The following FSTL4 variants were observed in gnomAD, a reference collection of about 807,000 sequenced individuals.
FSTL4 encodes the protein follistatin like 4, also known as follistatin-related protein 4.
A neutral mutation model predicts 78.2 loss-of-function variants in FSTL4; 28 were observed. That is an observed-to-expected ratio of 0.36 (90% confidence interval 0.27 to 0.49). FSTL4 has a LOEUF of 0.49. Ranked by LOEUF, FSTL4 falls within the 20% of genes least tolerant of loss-of-function variation. The pLI, the probability that FSTL4 is intolerant of heterozygous loss-of-function variation, is 0.98. For synonymous variants in FSTL4, 422 were observed against 440.5 expected (o/e 0.96, Z 0.53); for missense variants, 922 against 1,084.9 (o/e 0.85, Z 2.11).
Position 133,224,173 on chromosome 5 carries a change from A to G in FSTL4, c.1339+17T>C, listed in dbSNP as rs760143247. The G allele has an allele frequency of 2.5e-6, 4 of 1,609,136 alleles. No individual in the cohort carries two copies. Among genetic ancestry groups the G allele is most frequent in the Non-Finnish European group, 2.6e-6 (3 of 1,175,878 alleles). On this transcript the variant is annotated intron_variant, in intron 11 of 15. Coordinates refer to ENST00000265342, the MANE Select transcript of FSTL4 (RefSeq NM_015082.2). ...CACGTGATCACAGGCATGACGCAAA[A>G]CAATGAAGCTTGGTACCTTCCTCTC...
At chr5:133,427,777 A>T in intron 3 of FSTL4, 1 of 469,574 alleles carries the variant, frequency 2.1e-6, no homozygotes. Flanking sequence ...AACTTCTGCC[A>T]TCAGGACAGA....
At chr5:133,421,791 A>G (rs1378189192) in intron 3 of FSTL4, among the ~76,000 whole-genome samples, 1 of 151,400 alleles carries the variant, frequency 6.6e-6, no homozygotes. Flanking sequence ...ATTCATTCAG[A>G]TACCTATTGA....
chr5:133,508,709 G>T (rs1205776875), intron 3 of FSTL4, among the ~76,000 whole-genome samples: 1 of 152,182 alleles, frequency 6.6e-6, no homozygotes, highest in East Asian at 1.9e-4. Context: ...GAGCATCTGA[G>T]GATTTTAGTA....
intron 3 of FSTL4, among the ~76,000 whole-genome samples, chr5:133,405,590 T>C (rs1182248230): frequency 6.6e-6 from 1 of 152,250 alleles, no homozygotes; most frequent in Non-Finnish European, 1.5e-5. Flanking sequence ...AAGAGCCATG[T>C]ACATGTAGCC....
the FSTL4 span, among the ~76,000 whole-genome samples, chr5:133,798,416 C>G: frequency 2.0e-5 from 3 of 151,394 alleles, no homozygotes; most frequent in African/African-American, 7.3e-5. Flanking sequence ...TAAAAAATGC[C>G]AGATTTTATC....
At chr5:133,544,188 T>C (rs1438824492) in intron 3 of FSTL4, among the ~76,000 whole-genome samples, 3 of 152,202 alleles carry the variant, frequency 2.0e-5, no homozygotes, top group Non-Finnish European at 2.9e-5. Flanking sequence ...ATTAAATTAA[T>C]TCCCAAATAT....
At chr5:133,240,350 C>T (rs749934587) in intron 7 of FSTL4, among the ~76,000 whole-genome samples, 9 of 152,212 alleles carry the variant, frequency 5.9e-5, no homozygotes, top group Non-Finnish European at 1.3e-4. Flanking sequence ...TCCTTTTTCT[C>T]AGAGTCCTCT....
intron 6 of FSTL4, among the ~76,000 whole-genome samples, chr5:133,251,160 C>T (rs1259899757): frequency 6.6e-6 from 1 of 152,220 alleles, no homozygotes; most frequent in Admixed American, 6.5e-5. Flanking sequence ...AGAGAAGGCA[C>T]TAACTCTGTA....
intron 3 of FSTL4, among the ~76,000 whole-genome samples, chr5:133,448,831 A>C (rs1304661616): frequency 6.6e-6 from 1 of 152,078 alleles, no homozygotes; most frequent in Non-Finnish European, 1.5e-5. Flanking sequence ...AAAGGTGATA[A>C]GATGGGGTTT....
chr5:133,703,664 G>A, the FSTL4 span, among the ~76,000 whole-genome samples: 1 of 152,216 alleles, frequency 6.6e-6, no homozygotes, highest in East Asian at 1.9e-4. Flanking sequence ...TGTGAAAGGA[G>A]CACCTGCAAG....
chr5:133,541,610 C>T (rs1759474706), intron 3 of FSTL4, among the ~76,000 whole-genome samples: 1 of 152,162 alleles, frequency 6.6e-6, no homozygotes, highest in South Asian at 2.1e-4. Context: ...AGCTTTGAAA[C>T]ATACAATATG....
chr5:133,696,141 G>A, the FSTL4 span, among the ~76,000 whole-genome samples: 15 of 152,298 alleles, frequency 9.8e-5, no homozygotes, highest in East Asian at 1.9e-4. Flanking sequence ...TGGCTGGTCC[G>A]TAGAAGCCTG....
chr5:133,573,729 C>A (rs551872977), intron 2 of FSTL4, among the ~76,000 whole-genome samples: 1 of 152,270 alleles, frequency 6.6e-6, no homozygotes, highest in Admixed American at 6.5e-5. Context: ...TAAAACTTGA[C>A]CTAATTGACA....
the FSTL4 span, among the ~76,000 whole-genome samples, chr5:133,625,807 TATATATATTCC>T: frequency 7.2e-5 from 4 of 55,582 alleles, no homozygotes; most frequent in Non-Finnish European, 1.3e-4. Context: ...ATATTCCATA[TATATATATTCC>T]ATATATATAT....
chr5:133,404,447 T>G (rs1756308555), intron 3 of FSTL4, among the ~76,000 whole-genome samples: 1 of 152,218 alleles, frequency 6.6e-6, no homozygotes, highest in Admixed American at 6.5e-5. Flanking sequence ...AGAAAGCCAT[T>G]TACTCAGGTT....
chr5:133,749,926 G>T, the FSTL4 span, among the ~76,000 whole-genome samples: 1 of 152,166 alleles, frequency 6.6e-6, no homozygotes, highest in African/African-American at 2.4e-5. Flanking sequence ...AATCTCATAA[G>T]AAAATTTTTT....
At chr5:133,776,323 T>C in the FSTL4 span, among the ~76,000 whole-genome samples, 1 of 152,198 alleles carries the variant, frequency 6.6e-6, no homozygotes, top group African/African-American at 2.4e-5. Context: ...AATAATAGCT[T>C]AAGGCCACAG....
intron 6 of FSTL4, among the ~76,000 whole-genome samples, chr5:133,277,845 C>T (rs570971851): frequency 7.2e-5 from 11 of 152,304 alleles, no homozygotes; most frequent in African/African-American, 2.6e-4. Flanking sequence ...ACACTTGGTG[C>T]TGATGTGAAG....
the FSTL4 span, among the ~76,000 whole-genome samples, chr5:133,794,801 G>T: frequency 6.6e-6 from 1 of 152,112 alleles, no homozygotes; most frequent in Non-Finnish European, 1.5e-5. Context: ...CAGACTCCTG[G>T]TCAGCAGTGC....
Sources: allele counts gnomAD v4.1 joint callset (sites outside exome capture counted in the v4.1 genomes callset), GRCh38; gene constraint gnomAD v4.1.1; transcripts MANE v1.5; gene names NCBI Gene and HGNC (gene_info 2026-07-23, HGNC 2026-07-21).